Variants in TASP1 observed in about 807,000 individuals in gnomAD.
TASP1 encodes the protein threonine aspartase 1.
In TASP1, 16 loss-of-function variants were observed where a neutral mutation model predicts 56.6. That is an observed-to-expected ratio of 0.28 (90% confidence interval 0.19 to 0.43). The LOEUF is 0.43. TASP1 is among the 20% of genes least tolerant of loss of function. TASP1 has a pLI of 1.00. For synonymous variants in TASP1, 179 were observed against 184.2 expected (o/e 0.97, Z 0.23); for missense variants, 393 against 511.6 (o/e 0.77, Z 2.24).
the TASP1 span, among the ~76,000 whole-genome samples, chr20:13,307,324 C>T: frequency 3.9e-5 from 6 of 152,202 alleles, no homozygotes; most frequent in Middle Eastern, 3.4e-3. Flanking sequence ...AAAGCACACA[C>T]GTATCATAAG....
At chr20:13,146,505 G>A in the TASP1 span, among the ~76,000 whole-genome samples, 84 of 152,226 alleles carry the variant, frequency 5.5e-4, 1 homozygote, top group Admixed American at 1.4e-3. Flanking sequence ...CATTTAATGT[G>A]TAAAATTACA....
intron 2 of TASP1, among the ~76,000 whole-genome samples, chr20:13,629,085 G>T (rs957853733): frequency 6.6e-6 from 1 of 152,190 alleles, no homozygotes; most frequent in Admixed American, 6.5e-5. Flanking sequence ...AAGAGGGTGG[G>T]CCGGGTGTGG....
the TASP1 span, among the ~76,000 whole-genome samples, chr20:13,343,107 C>T: frequency 6.6e-6 from 1 of 152,200 alleles, no homozygotes; most frequent in African/African-American, 2.4e-5. Flanking sequence ...GTCCCTTCAA[C>T]GGCCTCTCTG....
chr20:13,336,538 A>T, the TASP1 span, among the ~76,000 whole-genome samples: 1 of 152,048 alleles, frequency 6.6e-6, no homozygotes, highest in African/African-American at 2.4e-5. Flanking sequence ...GAAGGTCTAC[A>T]CTCACCCCTC....
chr20:13,367,335 TA>T, the TASP1 span, among the ~76,000 whole-genome samples: 1 of 152,232 alleles, frequency 6.6e-6, no homozygotes, highest in South Asian at 2.1e-4. Flanking sequence ...TTTGTAAGTA[TA>T]ACATGCCTTG....
chr20:13,269,841 T>C, the TASP1 span, among the ~76,000 whole-genome samples: 1 of 152,200 alleles, frequency 6.6e-6, no homozygotes, highest in African/African-American at 2.4e-5. Context: ...CATTTCAAAA[T>C]AATAGGTCTC....
intron 10 of TASP1, among the ~76,000 whole-genome samples, chr20:13,493,197 A>G (rs967734514): frequency 2.0e-5 from 3 of 152,232 alleles, no homozygotes; most frequent in Non-Finnish European, 4.4e-5. Flanking sequence ...AAACATGAGT[A>G]GTGAAAACGC....
the TASP1 span, chr20:13,153,988 C>G: frequency 6.2e-7 from 1 of 1,612,796 alleles, no homozygotes; most frequent in Non-Finnish European, 8.5e-7. Context: ...GGATTTCACG[C>G]CTGTCTCTTT....
At chr20:13,292,733 C>T in the TASP1 span, among the ~76,000 whole-genome samples, 7 of 152,120 alleles carry the variant, frequency 4.6e-5, no homozygotes, top group African/African-American at 1.7e-4. Context: ...TCTCTCAGCA[C>T]AGAATAAGCC....
At chr20:13,592,266 G>A (rs983586089) in intron 4 of TASP1, among the ~76,000 whole-genome samples, 8 of 151,748 alleles carry the variant, frequency 5.3e-5, no homozygotes, top group South Asian at 2.1e-4. Context: ...GCATGGTGGC[G>A]GGCACCTGTA....
chr20:13,403,895 A>C (rs1568754155), intron 13 of TASP1, among the ~76,000 whole-genome samples: 1 of 152,172 alleles, frequency 6.6e-6, no homozygotes, highest in Admixed American at 6.5e-5. Flanking sequence ...AAAAACAAAA[A>C]CAAAAACCCA....
the TASP1 span, among the ~76,000 whole-genome samples, chr20:13,288,024 C>T: frequency 6.6e-6 from 1 of 152,198 alleles, no homozygotes; most frequent in South Asian, 2.1e-4. Context: ...TGGCTCCTCT[C>T]TGTCCATGTG....
intron 12 of TASP1, among the ~76,000 whole-genome samples, chr20:13,423,876 T>G (rs1235273579): frequency 2.0e-5 from 3 of 152,240 alleles, no homozygotes; most frequent in African/African-American, 7.2e-5. Context: ...GATTTTAGCA[T>G]ATATTTTAAT....
chr20:13,466,009 G>A (rs1322148456), intron 11 of TASP1, among the ~76,000 whole-genome samples: 1 of 152,086 alleles, frequency 6.6e-6, no homozygotes, highest in Non-Finnish European at 1.5e-5. Flanking sequence ...CAAACTACAA[G>A]TAAAGCTGGG....
At chr20:13,306,694 G>C in the TASP1 span, among the ~76,000 whole-genome samples, 2 of 151,948 alleles carry the variant, frequency 1.3e-5, no homozygotes, top group African/African-American at 4.8e-5. Flanking sequence ...TTTGCAAAGG[G>C]AAGACAAGAG....
the TASP1 span, among the ~76,000 whole-genome samples, chr20:13,178,156 C>T: frequency 6.6e-6 from 1 of 152,046 alleles, no homozygotes; most frequent in African/African-American, 2.4e-5. Flanking sequence ...GAAAAAAATG[C>T]TCAGCATCAC....
At chr20:13,260,895 C>T in the TASP1 span, among the ~76,000 whole-genome samples, 1 of 152,170 alleles carries the variant, frequency 6.6e-6, no homozygotes, top group Admixed American at 6.5e-5. Flanking sequence ...TCAGCCAGGG[C>T]TGGATGGTCT....
At chr20:13,569,661 G>C in intron 6 of TASP1, 75 bp from the exon 7 acceptor site, 1 of 1,287,254 alleles carries the variant, frequency 7.8e-7, no homozygotes, top group Non-Finnish European at 1.1e-6. Flanking sequence ...TAGGTAATAT[G>C]GTAAGGCAGT....
chr20:13,374,413 T>A, the TASP1 span, among the ~76,000 whole-genome samples: 1 of 151,670 alleles, frequency 6.6e-6, no homozygotes, highest in Non-Finnish European at 1.5e-5. Flanking sequence ...AGTGGTGCCA[T>A]CTCAGCTCAC....
Sources: allele counts gnomAD v4.1 joint callset (sites outside exome capture counted in the v4.1 genomes callset), GRCh38; gene constraint gnomAD v4.1.1; transcripts MANE v1.5; gene names NCBI Gene and HGNC (gene_info 2026-07-23, HGNC 2026-07-21).